GRID1: variants seen among roughly 807,000 people sequenced by gnomAD.
GRID1 encodes glutamate ionotropic receptor delta type subunit 1.
Under a neutral mutation model 98.0 loss-of-function variants are expected in GRID1, and 28 were observed. That is an observed-to-expected ratio of 0.29 (90% CI 0.21 to 0.39). The LOEUF is 0.39. GRID1 is among the 10% of genes least tolerant of loss of function. The pLI is 1.00. For synonymous variants in GRID1, 553 were observed against 538.5 expected, an observed-to-expected ratio of 1.03 and a Z score of -0.37; for missense variants, 1,111 against 1,340.5, an observed-to-expected ratio of 0.83 and a Z score of 2.67.
intron 2 of GRID1, among the ~76,000 whole-genome samples, chr10:86,222,811 G>A (rs1432829359): frequency 1.3e-5 from 2 of 152,130 alleles, no homozygotes; most frequent in Admixed American, 6.5e-5. Context: ...CTGAAGGGGG[G>A]CAGGGCACCC....
At chr10:85,754,026 GA>G (rs200163214) in intron 8 of GRID1, among the ~76,000 whole-genome samples, 8 of 151,068 alleles carry the variant, frequency 5.3e-5, no homozygotes, top group Non-Finnish European at 1.2e-4. Flanking sequence ...TAAGTTTTAA[GA>G]AAAAAAAACT....
intron 2 of GRID1, among the ~76,000 whole-genome samples, chr10:86,291,311 G>A (rs1194166649): frequency 3.9e-5 from 6 of 152,164 alleles, no homozygotes; most frequent in Non-Finnish European, 8.8e-5. Flanking sequence ...CTGACTCCTC[G>A]CCCTAGCCTG....
intron 3 of GRID1, among the ~76,000 whole-genome samples, chr10:86,203,845 C>T (rs1419154166): frequency 6.6e-6 from 1 of 152,112 alleles, no homozygotes; most frequent in Non-Finnish European, 1.5e-5. Context: ...GGAAGCCTCA[C>T]AGACTGATCA....
At position 85,599,802 on chromosome 10, in the gene GRID1, A is replaced by AAAAAAAAAAATATATAT; in HGVS notation, c.*2470_*2471insATATATATTTTTTTTTT. ...GTAGAAAATTCTAAAAAAAAAAAAA[A>AAAAAAAAAAATATATAT]ATATATATATATATATATAAACATG... On this transcript the variant is annotated 3_prime_UTR_variant, in exon 16 of 16. Transcript: ENST00000327946. 23 of 64,968 alleles carry AAAAAAAAAAATATATAT rather than the reference A, an allele frequency of 3.5e-4. No homozygotes were observed. The highest frequency in any genetic ancestry group is 0.011 in the Middle Eastern group (1 of 88). 4.0% of individuals were successfully genotyped at this position (64,968 alleles called of 1,614,324 possible).
intron 4 of GRID1, among the ~76,000 whole-genome samples, chr10:86,032,597 G>A (rs1843202733): frequency 6.6e-6 from 1 of 152,124 alleles, no homozygotes; most frequent in African/African-American, 2.4e-5. Flanking sequence ...GGTGCAAGAT[G>A]TGCTTTGTTA....
At chr10:86,144,245 T>C (rs895798658) in intron 3 of GRID1, among the ~76,000 whole-genome samples, 2 of 152,012 alleles carry the variant, frequency 1.3e-5, no homozygotes, top group African/African-American at 2.4e-5. Flanking sequence ...CAGGGTGGGA[T>C]AGGAAAGACC....
At chr10:86,124,832 G>A (rs951362552) in intron 4 of GRID1, among the ~76,000 whole-genome samples, 3 of 152,182 alleles carry the variant, frequency 2.0e-5, no homozygotes, top group African/African-American at 7.2e-5. Flanking sequence ...ACAGGGAACT[G>A]GACAGAGCCA....
At chr10:85,908,892 T>G (rs1420289629) in intron 5 of GRID1, among the ~76,000 whole-genome samples, 1 of 152,178 alleles carries the variant, frequency 6.6e-6, no homozygotes, top group African/African-American at 2.4e-5. Flanking sequence ...TTTCAGATAC[T>G]ACACGAAAAA....
At chr10:86,187,346 C>T (rs1454510235) in intron 3 of GRID1, among the ~76,000 whole-genome samples, 1 of 152,176 alleles carries the variant, frequency 6.6e-6, no homozygotes, top group African/African-American at 2.4e-5. Flanking sequence ...GATGTAGACG[C>T]CTACAGGCAA....
intron 8 of GRID1, among the ~76,000 whole-genome samples, chr10:85,738,166 G>T (rs1188010752): frequency 6.6e-6 from 1 of 152,080 alleles, no homozygotes; most frequent in African/African-American, 2.4e-5. Flanking sequence ...CCCAATAAAG[G>T]ATATGTATCA....
chr10:86,238,013 G>A (rs193253604), intron 2 of GRID1, among the ~76,000 whole-genome samples: 33 of 152,328 alleles, frequency 2.2e-4, no homozygotes, highest in Middle Eastern at 6.8e-3. Context: ...CCAGAGGTTG[G>A]AACAGTTTGG....
intron 13 of GRID1, among the ~76,000 whole-genome samples, chr10:85,626,854 T>C (rs955791609): frequency 6.6e-6 from 1 of 152,212 alleles, no homozygotes; most frequent in Non-Finnish European, 1.5e-5. Context: ...GGTGGGAGTG[T>C]GGCTGGCGTG....
chr10:85,787,918 C>T (rs970966323), intron 8 of GRID1, among the ~76,000 whole-genome samples: 6 of 152,236 alleles, frequency 3.9e-5, no homozygotes, highest in Middle Eastern at 6.8e-3. Flanking sequence ...CTCACAGAAT[C>T]CATTTCCAAA....
At chr10:85,856,366 G>C (rs1274614132) in intron 6 of GRID1, among the ~76,000 whole-genome samples, 176 bp from the exon 7 acceptor site, 1 of 152,182 alleles carries the variant, frequency 6.6e-6, no homozygotes, top group South Asian at 2.1e-4. Flanking sequence ...AGCTTCTAGA[G>C]TCCTGAATGG....
At chr10:86,236,647 C>G (rs529620335) in intron 2 of GRID1, among the ~76,000 whole-genome samples, 1 of 152,216 alleles carries the variant, frequency 6.6e-6, no homozygotes, top group African/African-American at 2.4e-5. Context: ...AGTCTTCACA[C>G]AGCAAAGTGC....
At chr10:86,251,152 G>A (rs878972121) in intron 2 of GRID1, among the ~76,000 whole-genome samples, 4 of 152,022 alleles carry the variant, frequency 2.6e-5, no homozygotes, top group African/African-American at 4.8e-5. Flanking sequence ...CAGCATACTC[G>A]TTAAGAGTCA....
At chr10:85,977,336 G>A (rs1842485337) in intron 4 of GRID1, among the ~76,000 whole-genome samples, 2 of 152,142 alleles carry the variant, frequency 1.3e-5, no homozygotes, top group Admixed American at 6.5e-5. Flanking sequence ...ACAGTGGTGA[G>A]AAGTGAGGGG....
chr10:85,747,860 G>A (rs543666898), intron 8 of GRID1, among the ~76,000 whole-genome samples: 13 of 152,288 alleles, frequency 8.5e-5, no homozygotes, highest in Admixed American at 2.6e-4. Context: ...TTCATAGTCC[G>A]TAATCAGAAG....
intron 8 of GRID1, among the ~76,000 whole-genome samples, chr10:85,853,682 C>A (rs1289673152): frequency 6.6e-6 from 1 of 152,342 alleles, no homozygotes; most frequent in Admixed American, 6.5e-5. Flanking sequence ...TACCCACCAT[C>A]AGCTCCACAT....
Sources: gnomAD v4.1 joint callset for allele counts (sites outside exome capture counted in the v4.1 genomes callset) on GRCh38, gnomAD v4.1.1 for gene constraint, MANE v1.5 for transcripts, NCBI Gene and HGNC (gene_info 2026-07-23, HGNC 2026-07-21) for gene names.